PID1: variants seen among roughly 807,000 people sequenced by gnomAD.
PID1 encodes the protein PTB-containing, cubilin and LRP1-interacting protein.
PID1 carries 10 observed loss-of-function variants against 19.1 expected under a neutral mutation model. That is an observed-to-expected ratio of 0.52 (90% CI 0.32 to 0.89). The LOEUF (loss-of-function observed/expected upper bound fraction) is 0.89, where lower values mean the gene tolerates loss of function less well. Ranked by LOEUF, PID1 falls within the 40% of genes least tolerant of loss-of-function variation. The probability of loss-of-function intolerance (pLI) is 0.03; values close to 1 mark genes in which losing one functional copy is unlikely to be tolerated. For missense variants in PID1, 248 were observed against 285.3 expected, an observed-to-expected ratio of 0.87 and a Z score of 0.94; for synonymous variants, 130 against 116.0, an observed-to-expected ratio of 1.12 and a Z score of -0.78.
chr2:229,071,968 AT>A (rs1392431763), intron 2 of PID1, among the ~76,000 whole-genome samples: 1 of 152,118 alleles, frequency 6.6e-6, no homozygotes, highest in African/African-American at 2.4e-5. Flanking sequence ...TAATATAGAA[AT>A]TTTCTCATTT....
At chr2:229,236,914 C>T (rs1276565183) in intron 1 of PID1, among the ~76,000 whole-genome samples, 1 of 150,484 alleles carries the variant, frequency 6.6e-6, no homozygotes, top group Non-Finnish European at 1.5e-5. Context: ...TTATAGATAG[C>T]TATTTCATAC....
chr2:229,241,732 C>G (rs1310920944), intron 1 of PID1, among the ~76,000 whole-genome samples: 1 of 152,132 alleles, frequency 6.6e-6, no homozygotes, highest in African/African-American at 2.4e-5. Flanking sequence ...AAATAAGAAG[C>G]AAAGCACCTA....
At chr2:229,183,226 C>G (rs1690984673) in intron 1 of PID1, among the ~76,000 whole-genome samples, 1 of 152,182 alleles carries the variant, frequency 6.6e-6, no homozygotes, top group Non-Finnish European at 1.5e-5. Flanking sequence ...TTATGCAAGC[C>G]AAGTTTTCAG....
intron 2 of PID1, among the ~76,000 whole-genome samples, chr2:229,139,048 AGAAAGAAAG>A (rs1328176646): frequency 5.5e-5 from 4 of 73,290 alleles, no homozygotes; most frequent in Non-Finnish European, 9.1e-5. Flanking sequence ...AGAGAAAGAA[AGAAAGAAAG>A]AGAAAGAAAG....
chr2:229,087,004 G>A (rs556827460), intron 2 of PID1, among the ~76,000 whole-genome samples: 5 of 151,714 alleles, frequency 3.3e-5, no homozygotes, highest in Middle Eastern at 3.2e-3. Flanking sequence ...TGAATACTAC[G>A]TTTTAGCTTT....
chr2:229,258,551 C>T (rs1490637451), intron 1 of PID1, among the ~76,000 whole-genome samples: 2 of 152,186 alleles, frequency 1.3e-5, no homozygotes, highest in African/African-American at 2.4e-5. Context: ...TTCACATACA[C>T]ATTTTTAACA....
In PID1 at chr2:229,025,382, A is replaced by T; in HGVS notation, c.*250T>A. 1 of 473,124 alleles carries T rather than the reference A, an allele frequency of 2.1e-6. No individual in the cohort carries two copies. The highest frequency in any genetic ancestry group is 3.8e-5 in the Admixed American group (1 of 26,318). 29.3% of individuals were successfully genotyped at this position (473,124 alleles called of 1,614,324 possible). ...GGCATTGGGAAATGAGAAAAATAAGAGAGCCTAGAACCTTCCTCCCCATCC... is the reference window on the plus strand; with the variant it reads ...GGCATTGGGAAATGAGAAAAATAAGTGAGCCTAGAACCTTCCTCCCCATCC... On this transcript the variant is annotated 3_prime_UTR_variant, in exon 3 of 3. Transcript: ENST00000392055.
chr2:229,148,722 G>C (rs2106188492), intron 2 of PID1, among the ~76,000 whole-genome samples: 1 of 150,560 alleles, frequency 6.6e-6, no homozygotes, highest in South Asian at 2.1e-4. Flanking sequence ...AGGGGAGAAA[G>C]GAAAAAAGGA....
chr2:229,228,026 G>A (rs1177348243), intron 1 of PID1: 4 of 455,822 alleles, frequency 8.8e-6, no homozygotes, highest in Non-Finnish European at 1.3e-5. Flanking sequence ...GGGATACTGA[G>A]GGACAAGTGT....
At chr2:229,222,984 T>A (rs1361431245) in intron 1 of PID1, among the ~76,000 whole-genome samples, 1 of 152,026 alleles carries the variant, frequency 6.6e-6, no homozygotes, top group Non-Finnish European at 1.5e-5. Flanking sequence ...TATGAGACCT[T>A]TAGGTGACTT....
At chr2:229,067,057 G>C (rs1325429796) in intron 2 of PID1, among the ~76,000 whole-genome samples, 1 of 152,146 alleles carries the variant, frequency 6.6e-6, no homozygotes, top group Non-Finnish European at 1.5e-5. Flanking sequence ...GAGGCCTCAG[G>C]AAACTTACAA....
At chr2:229,113,420 A>G (rs1016022651) in intron 2 of PID1, among the ~76,000 whole-genome samples, 1 of 126,818 alleles carries the variant, frequency 7.9e-6, no homozygotes, top group African/African-American at 2.7e-5. Context: ...TTATATATAT[A>G]TACACACACA....
At chr2:229,027,564 G>GT (rs1383414890) in intron 2 of PID1, among the ~76,000 whole-genome samples, 20 of 152,168 alleles carry the variant, frequency 1.3e-4, no homozygotes, top group Non-Finnish European at 2.6e-4. Flanking sequence ...GAACAGCAAA[G>GT]TACTGTGAGT....
chr2:229,183,306 A>T (rs1157708907), intron 1 of PID1, among the ~76,000 whole-genome samples: 2 of 152,180 alleles, frequency 1.3e-5, no homozygotes, highest in Admixed American at 1.3e-4. Context: ...TGACACCTGG[A>T]TATGGGACTT....
At chr2:229,159,824 C>T (rs1371809128) in intron 1 of PID1, among the ~76,000 whole-genome samples, 3 of 152,266 alleles carry the variant, frequency 2.0e-5, no homozygotes, top group Admixed American at 1.3e-4. Context: ...CCAGAAACTT[C>T]GTAATCTGGA....
chr2:229,043,572 T>C (rs1358805090), intron 2 of PID1, among the ~76,000 whole-genome samples: 1 of 152,228 alleles, frequency 6.6e-6, no homozygotes, highest in African/African-American at 2.4e-5. Context: ...AGTGAGAGTG[T>C]ACTTGCACTG....
In PID1 at chr2:229,031,428, A is replaced by G. The variant is rs564999867; in HGVS notation, c.178-5320T>C. Among the ~76,000 whole-genome samples the G allele has an allele frequency of 4.0e-5, 6 of 151,842 alleles. No individual in the cohort carries two copies. In the South Asian group the frequency reaches 1.0e-3, roughly 26 times the overall value. ...AAAAATTAGCTGGGTGTGGTGGTGC[A>G]CGCCTGTAGTCCCAGCTACTCAGGA... is the stretch of plus-strand genomic sequence containing the variant. On this transcript the variant is annotated intron_variant, in intron 2 of 2. Transcript: ENST00000392055.
chr2:229,180,597 C>A (rs1453733524), intron 1 of PID1, among the ~76,000 whole-genome samples: 2 of 152,172 alleles, frequency 1.3e-5, no homozygotes, highest in Non-Finnish European at 1.5e-5. Flanking sequence ...GGGATGAGGC[C>A]AGGTCTCCTG....
At chr2:229,211,888 T>C (rs1027451028) in intron 1 of PID1, among the ~76,000 whole-genome samples, 1 of 152,208 alleles carries the variant, frequency 6.6e-6, no homozygotes, top group Non-Finnish European at 1.5e-5. Context: ...TTTAAGAAAA[T>C]TGTATGTACT....
Sources: allele counts gnomAD v4.1 joint callset (sites outside exome capture counted in the v4.1 genomes callset), GRCh38; gene constraint gnomAD v4.1.1; transcripts MANE v1.5; gene names NCBI Gene and HGNC (gene_info 2026-07-23, HGNC 2026-07-21).